Variants in SORCS1 observed in about 807,000 individuals in gnomAD.
SORCS1 encodes the protein VPS10 domain-containing receptor SorCS1.
A neutral mutation model predicts 146.1 loss-of-function variants in SORCS1; 60 were observed. The ratio of observed to expected loss-of-function variants is 0.41; its 90% CI spans 0.33 to 0.51. The LOEUF (loss-of-function observed/expected upper bound fraction) is 0.51. Among genes scored for constraint, SORCS1 ranks in the 20% least tolerant of loss-of-function variants. The probability of loss-of-function intolerance (pLI) is 0.21; values close to 1 mark genes in which losing one functional copy is unlikely to be tolerated. For synonymous variants in SORCS1, 637 were observed against 584.0 expected (o/e 1.09, Z -1.31); for missense variants, 1,352 against 1,487.6 (o/e 0.91, Z 1.50).
intron 2 of SORCS1, among the ~76,000 whole-genome samples, chr10:106,882,356 T>TC (rs1471450358): frequency 6.6e-6 from 1 of 152,146 alleles, no homozygotes; most frequent in Admixed American, 6.5e-5. Flanking sequence ...TCAAAGCCAT[T>TC]CTGGACTGTG....
chr10:107,110,100 C>T (rs2134447718), intron 1 of SORCS1, among the ~76,000 whole-genome samples: 1 of 152,296 alleles, frequency 6.6e-6, no homozygotes, highest in African/African-American at 2.4e-5. Context: ...ATATCACTAA[C>T]AGCATTTTGG....
chr10:106,862,785 A>T (rs930504763), intron 2 of SORCS1, among the ~76,000 whole-genome samples: 11 of 148,620 alleles, frequency 7.4e-5, no homozygotes, highest in African/African-American at 2.7e-4. Context: ...CTCTACAAAA[A>T]AAAAAAAAAA....
chr10:106,956,457 T>C, intron 2 of SORCS1, 56 bp downstream of exon 2: 3 of 1,517,798 alleles, frequency 2.0e-6, no homozygotes, highest in East Asian at 2.3e-5. Context: ...GGGACAGCAG[T>C]AGCAGGCATC....
chr10:106,994,389 G>A (rs972174599), intron 1 of SORCS1, among the ~76,000 whole-genome samples: 1 of 152,154 alleles, frequency 6.6e-6, no homozygotes, highest in African/African-American at 2.4e-5. Context: ...TTACTATTCA[G>A]TATGTAATTC....
intron 8 of SORCS1, 111 bp downstream of exon 8, chr10:106,706,434 G>A: frequency 7.7e-6 from 8 of 1,034,412 alleles, no homozygotes; most frequent in Non-Finnish European, 1.2e-5. Context: ...GATGAGAGAT[G>A]TAAAGAAAAC....
At chr10:107,147,734 A>T (rs1283091017) in intron 1 of SORCS1, among the ~76,000 whole-genome samples, 3 of 152,206 alleles carry the variant, frequency 2.0e-5, no homozygotes, top group Non-Finnish European at 4.4e-5. Flanking sequence ...GTCCTGAAAA[A>T]TATGCTTATT....
At chr10:106,992,982 C>T (rs893324879) in intron 1 of SORCS1, among the ~76,000 whole-genome samples, 7 of 152,018 alleles carry the variant, frequency 4.6e-5, no homozygotes, top group Non-Finnish European at 1.0e-4. Context: ...CAGGCATGCA[C>T]CACCACGTCC....
rs551391625 is a variant in SORCS1 at position 106,909,778 on chromosome 10, A to T, written c.626+46735T>A. Reference sequence around the variant, plus strand: ...CCAGTGGACCTCCACTGTCCATGAAATTCGTTCTCCTTTCCTCAATATCTA... The same window carrying T: ...CCAGTGGACCTCCACTGTCCATGAATTTCGTTCTCCTTTCCTCAATATCTA... On this transcript the variant is annotated intron_variant, in intron 2 of 25. Coordinates refer to ENST00000263054, the MANE Select transcript of SORCS1 (RefSeq NM_052918.5). Among the ~76,000 whole-genome samples, 21 of 152,238 alleles carry T rather than the reference A, an allele frequency of 1.4e-4. No homozygotes were observed. The South Asian group carries it at 3.9e-3, about 29-fold the overall frequency.
rs1433867860 is a variant in SORCS1 at position 106,769,819 on chromosome 10, G to C, written c.885+6715C>G. On this transcript the variant is annotated intron_variant, in intron 4 of 25. Transcript: ENST00000263054. Reference sequence around the variant, plus strand: ...TGTTAATATTTAGAGTTTCCAGCCAGGCACAGGGCTCACGCCTGTAATCCC... The same window carrying C: ...TGTTAATATTTAGAGTTTCCAGCCACGCACAGGGCTCACGCCTGTAATCCC... 2.0e-5 allele frequency among the ~76,000 whole-genome samples: 3 copies of C among 152,236 alleles called. No homozygotes were observed. The East Asian group carries it at 5.8e-4, about 29-fold the overall frequency.
At chr10:106,965,754 G>A (rs1955465199) in intron 1 of SORCS1, among the ~76,000 whole-genome samples, 3 of 152,128 alleles carry the variant, frequency 2.0e-5, no homozygotes, top group Admixed American at 1.3e-4. Flanking sequence ...ATTACTAGAG[G>A]CAAGGCAGAA....
At chr10:106,615,593 C>A (rs771354860) in intron 21 of SORCS1, among the ~76,000 whole-genome samples, 2 of 152,004 alleles carry the variant, frequency 1.3e-5, no homozygotes, top group Non-Finnish European at 2.9e-5. Context: ...GAGGGAGGAT[C>A]GCTTGAGGCC....
intron 9 of SORCS1, among the ~76,000 whole-genome samples, chr10:106,689,745 C>A (rs918550876): frequency 2.0e-5 from 3 of 152,128 alleles, no homozygotes; most frequent in Non-Finnish European, 2.9e-5. Context: ...AGATTCACAC[C>A]CAAATCTGCC....
chr10:106,770,742 C>A (rs1251026377), intron 4 of SORCS1, among the ~76,000 whole-genome samples: 1 of 152,212 alleles, frequency 6.6e-6, no homozygotes, highest in Non-Finnish European at 1.5e-5. Flanking sequence ...ACATTGGACC[C>A]ACCTTCCTAC....
chr10:107,048,459 G>C (rs766204677), intron 1 of SORCS1, among the ~76,000 whole-genome samples: 1 of 152,144 alleles, frequency 6.6e-6, no homozygotes, highest in African/African-American at 2.4e-5. Context: ...TTCAATTAGG[G>C]TATAAATTCC....
intron 23 of SORCS1, among the ~76,000 whole-genome samples, chr10:106,605,814 G>A (rs551966256): frequency 1.3e-5 from 2 of 152,238 alleles, no homozygotes; most frequent in East Asian, 3.9e-4. Context: ...TTATACAGGG[G>A]AGCCTTCTGC....
chr10:106,723,968 A>T (rs1855964274), intron 6 of SORCS1, among the ~76,000 whole-genome samples: 1 of 152,208 alleles, frequency 6.6e-6, no homozygotes, highest in African/African-American at 2.4e-5. Flanking sequence ...CAAATATTTA[A>T]TACCCTTGTA....
chr10:107,180,003 A>C, the SORCS1 span, among the ~76,000 whole-genome samples: 1 of 137,562 alleles, frequency 7.3e-6, no homozygotes, highest in Non-Finnish European at 1.5e-5. Context: ...TGAAGCCTCA[A>C]CCTCCTGGGC....
chr10:106,737,772 G>A (rs1857068064), intron 5 of SORCS1, among the ~76,000 whole-genome samples: 1 of 151,920 alleles, frequency 6.6e-6, no homozygotes, highest in Non-Finnish European at 1.5e-5. Flanking sequence ...TCAAATCAGT[G>A]CTCCTGATCC....
intron 2 of SORCS1, among the ~76,000 whole-genome samples, chr10:106,935,170 G>C (rs1297154706): frequency 6.6e-6 from 1 of 152,148 alleles, no homozygotes; most frequent in African/African-American, 2.4e-5. Flanking sequence ...GTATTTTATA[G>C]TTAGCTCTTT....
Sources: gnomAD v4.1 joint callset for allele counts (sites outside exome capture counted in the v4.1 genomes callset) on GRCh38, gnomAD v4.1.1 for gene constraint, MANE v1.5 for transcripts, NCBI Gene and HGNC (gene_info 2026-07-23, HGNC 2026-07-21) for gene names.